BACH2: variants seen among roughly 807,000 people sequenced by gnomAD.
BACH2 encodes BACH transcriptional regulator 2, also known as transcription regulator protein BACH2.
A neutral mutation model predicts 61.8 loss-of-function variants in BACH2; 5 were observed. The ratio of observed to expected loss-of-function variants is 0.08; its 90% CI spans 0.04 to 0.17. The LOEUF (loss-of-function observed/expected upper bound fraction) is 0.17, where lower values mean the gene tolerates loss of function less well. Ranked by LOEUF, BACH2 falls within the 10% of genes least tolerant of loss-of-function variation. BACH2 has a pLI of 1.00. For missense variants in BACH2, 824 were observed against 1,091.1 expected (o/e 0.76, Z 3.45); for synonymous variants, 446 against 440.1 (o/e 1.01, Z -0.17).
chr6:89,974,910 C>T (rs1448959964), intron 6 of BACH2, among the ~76,000 whole-genome samples: 1 of 152,182 alleles, frequency 6.6e-6, no homozygotes, highest in Non-Finnish European at 1.5e-5. Context: ...CAAGGTCTAA[C>T]AAGTCAGTTT....
At chr6:90,218,692 G>T (rs902858446) in intron 3 of BACH2, among the ~76,000 whole-genome samples, 5 of 151,990 alleles carry the variant, frequency 3.3e-5, no homozygotes, top group African/African-American at 1.2e-4. Context: ...CCGCCTGTCA[G>T]GCCTGACGGA....
chr6:89,981,513 A>T (rs1370741147), intron 6 of BACH2, among the ~76,000 whole-genome samples: 1 of 152,198 alleles, frequency 6.6e-6, no homozygotes, highest in Non-Finnish European at 1.5e-5. Context: ...ATATAATGAC[A>T]AAAACTGCCA....
At chr6:90,137,100 A>G (rs1198398941) in intron 4 of BACH2, among the ~76,000 whole-genome samples, 1 of 152,208 alleles carries the variant, frequency 6.6e-6, no homozygotes, top group East Asian at 1.9e-4. Context: ...GGAAGAGAAC[A>G]GACGGCAAAG....
intron 4 of BACH2, among the ~76,000 whole-genome samples, chr6:90,146,439 C>T (rs4707601): frequency 0.036 from 5,495 of 152,290 alleles, 145 homozygotes; most frequent in Middle Eastern, 0.075. Flanking sequence ...TTATTCTATA[C>T]GATTCTGAGG....
chr6:89,986,175 G>C (rs1465323800), intron 6 of BACH2, among the ~76,000 whole-genome samples: 1 of 152,016 alleles, frequency 6.6e-6, no homozygotes, highest in East Asian at 1.9e-4. Context: ...GGATGGGGGA[G>C]CTCTGTAAGG....
At chr6:90,086,726 C>A (rs1781948550) in intron 5 of BACH2, among the ~76,000 whole-genome samples, 1 of 152,202 alleles carries the variant, frequency 6.6e-6, no homozygotes, top group East Asian at 1.9e-4. Flanking sequence ...GGTCATCCCA[C>A]AGGAACACTG....
chr6:90,256,754 T>A (rs1248578263), intron 2 of BACH2, among the ~76,000 whole-genome samples: 2 of 152,188 alleles, frequency 1.3e-5, no homozygotes, highest in Non-Finnish European at 2.9e-5. Context: ...CTATTTTTGT[T>A]TTTATGTTAA....
chr6:90,139,422 G>A (rs888266455), intron 4 of BACH2, among the ~76,000 whole-genome samples: 2 of 152,222 alleles, frequency 1.3e-5, no homozygotes, highest in African/African-American at 4.8e-5. Flanking sequence ...TGCAGGCTGT[G>A]TGCATGCACA....
At chr6:90,134,477 G>A (rs535921608) in intron 4 of BACH2, among the ~76,000 whole-genome samples, 41 of 152,320 alleles carry the variant, frequency 2.7e-4, no homozygotes, top group African/African-American at 7.9e-4. Flanking sequence ...CTTCCTGGTC[G>A]GATGGGGTTA....
chr6:90,068,129 T>G (rs1781051054), intron 5 of BACH2, among the ~76,000 whole-genome samples: 1 of 152,244 alleles, frequency 6.6e-6, no homozygotes, highest in South Asian at 2.1e-4. Context: ...TCTTTGTATT[T>G]TTTCCTCCAG....
At chr6:90,115,810 A>G (rs561095279) in intron 4 of BACH2, among the ~76,000 whole-genome samples, 2 of 152,322 alleles carry the variant, frequency 1.3e-5, no homozygotes, top group African/African-American at 4.8e-5. Context: ...TAAGGAACTT[A>G]AACAAATTTA....
chr6:90,284,582 G>A (rs539509894), intron 1 of BACH2, among the ~76,000 whole-genome samples: 1 of 152,306 alleles, frequency 6.6e-6, no homozygotes, highest in Non-Finnish European at 1.5e-5. Context: ...AGCCCCGACA[G>A]GAGATGCTTA....
intron 3 of BACH2, among the ~76,000 whole-genome samples, chr6:90,240,575 A>C (rs1396502663): frequency 6.6e-6 from 1 of 152,246 alleles, no homozygotes; most frequent in Non-Finnish European, 1.5e-5. Context: ...ATTCTTCCTC[A>C]TAAGAACTAC....
At chr6:90,200,104 A>C (rs1768907275) in intron 4 of BACH2, among the ~76,000 whole-genome samples, 1 of 152,228 alleles carries the variant, frequency 6.6e-6, no homozygotes, top group South Asian at 2.1e-4. Flanking sequence ...CACATCCCAG[A>C]AGTGATGTCA....
At chr6:90,004,819 C>T (rs1278694250) in intron 6 of BACH2, among the ~76,000 whole-genome samples, 3 of 152,176 alleles carry the variant, frequency 2.0e-5, no homozygotes, top group Non-Finnish European at 2.9e-5. Flanking sequence ...AAAACATATA[C>T]TTACTCATTA....
intron 2 of BACH2, among the ~76,000 whole-genome samples, chr6:90,268,091 C>T (rs892155687): frequency 6.6e-6 from 1 of 151,456 alleles, no homozygotes; most frequent in African/African-American, 2.4e-5. Context: ...TTACTGCAAC[C>T]TCTGCCTCCT....
chr6:89,985,558 G>A (rs1178409948), intron 6 of BACH2, among the ~76,000 whole-genome samples: 1 of 152,188 alleles, frequency 6.6e-6, no homozygotes, highest in African/African-American at 2.4e-5. Context: ...GGCTGCCCCT[G>A]GGGCAGACAC....
chr6:90,180,610 A>T (rs1187982168), intron 4 of BACH2, among the ~76,000 whole-genome samples: 1 of 152,162 alleles, frequency 6.6e-6, no homozygotes, highest in African/African-American at 2.4e-5. Flanking sequence ...GCACCTGCTT[A>T]TAAGTGAGAA....
chr6:90,117,171 C>A (rs1783436580), intron 4 of BACH2: 4 of 177,506 alleles, frequency 2.3e-5, no homozygotes, highest in Middle Eastern at 1.8e-3. Context: ...CATGTCACTT[C>A]CCTTCATCCC....
Sources: allele counts gnomAD v4.1 joint callset (sites outside exome capture counted in the v4.1 genomes callset), GRCh38; gene constraint gnomAD v4.1.1; transcripts MANE v1.5; gene names NCBI Gene and HGNC (gene_info 2026-07-23, HGNC 2026-07-21).